Variants in SAXO1 observed in about 807,000 individuals in gnomAD.
SAXO1 encodes the protein stabilizer of axonemal microtubules 1.
SAXO1 carries 21 observed loss-of-function variants against 17.5 expected under a neutral mutation model. The ratio of observed to expected loss-of-function variants is 1.20; its 90% CI spans 0.85 to 1.72. SAXO1 has a LOEUF of 1.72. Ranked by LOEUF, SAXO1 falls within the 40% of genes most tolerant of loss-of-function variation. The pLI, the probability that SAXO1 is intolerant of heterozygous loss-of-function variation, is 0.00. For missense variants in SAXO1, 843 were observed against 596.0 expected, an observed-to-expected ratio of 1.41 and a Z score of -4.32; for synonymous variants, 274 against 216.5, an observed-to-expected ratio of 1.27 and a Z score of -2.33.
Position 18,941,841 on chromosome 9 carries a change from T to C in SAXO1, c.219-2A>G, listed in dbSNP as rs377380341. ...ACTTTGTGAGGCCCAAAATCTCTCCTGTAAGGAAGCAAGTGCATGCTGTTG... is the reference window on the plus strand; with the variant it reads ...ACTTTGTGAGGCCCAAAATCTCTCCCGTAAGGAAGCAAGTGCATGCTGTTG... On this transcript the variant is annotated splice_acceptor_variant, in intron 2 of 3. Coordinates refer to ENST00000380534, the MANE Select transcript of SAXO1 (RefSeq NM_153707.4). LOFTEE classifies it high-confidence loss of function. The C allele has an allele frequency of 6.2e-7, 1 of 1,614,180 alleles. No homozygotes were observed. The highest frequency in any genetic ancestry group is 8.5e-7 in the Non-Finnish European group (1 of 1,180,008).
At chr9:18,939,850 C>A (rs1831474983) in intron 3 of SAXO1, among the ~76,000 whole-genome samples, 1 of 152,060 alleles carries the variant, frequency 6.6e-6, no homozygotes, top group Non-Finnish European at 1.5e-5. Flanking sequence ...AAATGATTAT[C>A]TGAGGAGTTT....
chr9:18,976,263 T>C (rs57436869), intron 1 of SAXO1, among the ~76,000 whole-genome samples: 2,613 of 152,200 alleles, frequency 0.017, 71 homozygotes, highest in African/African-American at 0.057. Flanking sequence ...TCTCTAGGGC[T>C]GAAAAACTTG....
At position 18,967,132 on chromosome 9, in the gene SAXO1, G is replaced by C. The variant is rs567223196; in HGVS notation, c.39-16195C>G. ...TTCCTCGGGAAGCTTCATCCCAGAG[G>C]GGCACCTGCCAGATGCCAGCTGGAG... On this transcript the variant is annotated intron_variant, in intron 1 of 3. Transcript: ENST00000380534. Among the ~76,000 whole-genome samples, 21 of 152,254 alleles carry C rather than the reference G, an allele frequency of 1.4e-4. 1 individual carries two copies. The highest frequency in any genetic ancestry group is 4.8e-4 in the African/African-American group (20 of 41,556).
rs141754769 is a variant in SAXO1, at chr9:18,961,957, AG to A, written c.39-11021del. Among the ~76,000 whole-genome samples, 813 of 152,340 alleles carry A rather than the reference AG, an allele frequency of 5.3e-3. 2 individuals carry two copies. Among genetic ancestry groups the A allele is most frequent in the Non-Finnish European group, 9.1e-3 (616 of 68,030 alleles). ...TGAACTAATTTACAATTCCACCAACAGTGTAAAAGCATTCCTATTTCTCTGC... is the reference window on the plus strand; with the variant it reads ...TGAACTAATTTACAATTCCACCAACATGTAAAAGCATTCCTATTTCTCTGC... On this transcript the variant is annotated intron_variant, in intron 1 of 3. Coordinates refer to ENST00000380534, the MANE Select transcript of SAXO1 (RefSeq NM_153707.4).
At position 18,928,260 on chromosome 9, in the gene SAXO1, G is replaced by A. The variant is rs757162575; in HGVS notation, c.1217C>T (p.Thr406Ile). The A allele has an allele frequency of 1.4e-5, 23 of 1,613,356 alleles. No individual in the cohort carries two copies. The highest frequency in any genetic ancestry group is 2.0e-5 in the Non-Finnish European group (23 of 1,179,422). The change falls in exon 4 of 4, where the codon ACC (threonine) becomes ATC (isoleucine). Residue 406 changes from threonine (T) to isoleucine (I), a missense_variant. Physicochemically the swap from Thr to Ile is moderately conservative, Grantham distance 89. Transcript: ENST00000380534. ...GGGAGTAAAGCTGATGGTGTAGGTG[G>A]TCTGGCTTTCCACAGGGACATTTCC... ...PRGNVPVESQ[T>I]TYTISFTPKE...
chr9:18,974,861 T>G (rs374646572), intron 1 of SAXO1, among the ~76,000 whole-genome samples: 1 of 152,216 alleles, frequency 6.6e-6, no homozygotes, highest in African/African-American at 2.4e-5. Flanking sequence ...CATGGATGGA[T>G]GCTAAGGCTG....
intron 1 of SAXO1, among the ~76,000 whole-genome samples, chr9:18,986,809 T>G (rs1220035482): frequency 6.6e-6 from 1 of 152,146 alleles, no homozygotes; most frequent in Admixed American, 6.5e-5. Context: ...TCAAAGACAT[T>G]GTTAGGTTGT....
chr9:19,000,181 TGG>T (rs1834198271), intron 1 of SAXO1, among the ~76,000 whole-genome samples: 1 of 151,408 alleles, frequency 6.6e-6, no homozygotes. Context: ...CCACCCTGTC[TGG>T]GAAGTGAGGA....
upstream of SAXO1, among the ~76,000 whole-genome samples, chr9:19,034,141 C>T (rs1835872224): frequency 1.3e-5 from 2 of 152,214 alleles, no homozygotes; most frequent in Non-Finnish European, 2.9e-5. Context: ...GAAATGGGAG[C>T]TTAAAGTATT....
At chr9:19,003,044 G>T (rs943980574) in intron 1 of SAXO1, among the ~76,000 whole-genome samples, 37 of 152,276 alleles carry the variant, frequency 2.4e-4, no homozygotes, top group Admixed American at 1.6e-3. Context: ...CTTCAGCAAA[G>T]TCTCAGGACA....
At chr9:18,932,489 C>G (rs1480388780) in intron 3 of SAXO1, among the ~76,000 whole-genome samples, 1 of 152,104 alleles carries the variant, frequency 6.6e-6, no homozygotes, top group Non-Finnish European at 1.5e-5. Flanking sequence ...TCTTATTTTT[C>G]AAAAATACTT....
chr9:18,941,320 A>G (rs973196807), intron 3 of SAXO1, among the ~76,000 whole-genome samples: 3 of 152,224 alleles, frequency 2.0e-5, no homozygotes, highest in African/African-American at 4.8e-5. Flanking sequence ...CTAAAAAAAA[A>G]AGTAGCCATC....
chr9:18,951,004 C>T, intron 1 of SAXO1, 67 bp from the exon 2 acceptor site: 1 of 1,463,372 alleles, frequency 6.8e-7, no homozygotes, highest in Non-Finnish European at 9.3e-7. Flanking sequence ...CCTAAGAGTA[C>T]TTCCGCCAAA....
chr9:18,988,537 T>C (rs1428595368), intron 1 of SAXO1, among the ~76,000 whole-genome samples: 1 of 152,212 alleles, frequency 6.6e-6, no homozygotes, highest in Admixed American at 6.5e-5. Context: ...TGTATGGCAT[T>C]CTACAGTTTA....
rs1830823917 is a variant in SAXO1, at chr9:18,927,672, T to C, written c.*380A>G. 1 of 168,230 alleles carries C rather than the reference T, an allele frequency of 5.9e-6. No homozygotes were observed. Among genetic ancestry groups the C allele is most frequent in the African/African-American group, 2.4e-5 (1 of 42,004 alleles). The allele number at this position is 168,230 out of a possible 1,614,324, so 10.4% of individuals were successfully genotyped here. ...GCCTACAGATTCATTCCCCCCAAAA[T>C]AAAATTTATTCTTTGGCGCTTCATA... is the stretch of plus-strand genomic sequence containing the variant. On this transcript the variant is annotated 3_prime_UTR_variant, in exon 4 of 4. Coordinates refer to ENST00000380534, the MANE Select transcript of SAXO1 (RefSeq NM_153707.4).
chr9:18,940,139 G>A (rs1348236272), intron 3 of SAXO1, among the ~76,000 whole-genome samples: 1 of 152,228 alleles, frequency 6.6e-6, no homozygotes, highest in African/African-American at 2.4e-5. Flanking sequence ...CTGGTGGTAA[G>A]AGGGAGGATT....
At chr9:18,955,646 C>A (rs2039008) in intron 1 of SAXO1, among the ~76,000 whole-genome samples, 125,821 of 152,060 alleles carry the variant, frequency 0.83, 52,498 homozygotes, top group African/African-American at 0.93. Flanking sequence ...AAACAAATAA[C>A]AAATAAAGCA....
At chr9:18,958,375 G>T (rs528058594) in intron 1 of SAXO1, among the ~76,000 whole-genome samples, 1 of 152,144 alleles carries the variant, frequency 6.6e-6, no homozygotes, top group African/African-American at 2.4e-5. Context: ...CCTGAGTCGA[G>T]ATAGCAACAC....
At position 18,951,968 on chromosome 9, in the gene SAXO1, C is replaced by G. The variant is rs774438000; in HGVS notation, c.39-1031G>C. Among the ~76,000 whole-genome samples, 3 of 152,006 alleles carry G rather than the reference C, an allele frequency of 2.0e-5. No homozygotes were observed. The South Asian group carries it at 6.2e-4, about 32-fold the overall frequency. On this transcript the variant is annotated intron_variant, in intron 1 of 3. Transcript: ENST00000380534. ...GTGAATAATTAAATAAACTTTATAC[C>G]TAGTGATGAATGAATTGAACAAATG...
Sources: allele counts gnomAD v4.1 joint callset (sites outside exome capture counted in the v4.1 genomes callset), GRCh38; gene constraint gnomAD v4.1.1; transcripts MANE v1.5; gene names NCBI Gene and HGNC (gene_info 2026-07-23, HGNC 2026-07-21).